The following PRR16 variants were observed in gnomAD, a reference collection of about 807,000 sequenced individuals.
PRR16 encodes the protein protein Largen.
In PRR16, 6 loss-of-function variants were observed where a neutral mutation model predicts 18.2. That is an observed-to-expected ratio of 0.33 (90% CI 0.18 to 0.65). The LOEUF (loss-of-function observed/expected upper bound fraction) is 0.65. Among genes scored for constraint, PRR16 ranks in the 30% least tolerant of loss-of-function variants. The pLI is 0.74. For synonymous variants in PRR16, 151 were observed against 147.8 expected (o/e 1.02, Z -0.16); for missense variants, 412 against 376.6 (o/e 1.09, Z -0.78).
chr5:120,746,124 CTT>C, the PRR16 span, among the ~76,000 whole-genome samples: 2 of 148,340 alleles, frequency 1.3e-5, no homozygotes, highest in African/African-American at 5.0e-5. Context: ...TTTCTAAAAG[CTT>C]TTTTTTTTCT....
intron 1 of PRR16, among the ~76,000 whole-genome samples, chr5:120,517,125 G>T (rs1302168011): frequency 6.6e-6 from 1 of 152,194 alleles, no homozygotes; most frequent in Non-Finnish European, 1.5e-5. Context: ...CGCTGTGCAG[G>T]AATAGTCTGG....
In PRR16 at chr5:120,554,686, C is replaced by G. The variant is rs114435341; in HGVS notation, c.159+90041C>G. Among the ~76,000 whole-genome samples, 1,479 of 151,942 alleles carry G rather than the reference C, an allele frequency of 9.7e-3. 9 individuals are homozygous for G. Among genetic ancestry groups the G allele is most frequent in the Non-Finnish European group, 0.015 (991 of 67,862 alleles). On this transcript the variant is annotated intron_variant, in intron 1 of 1. Coordinates refer to ENST00000407149, the MANE Select transcript of PRR16 (RefSeq NM_001300783.2). ...TTTGCATATAGTATTTCATGTAAGT[C>G]TCACAACAGCCTAGATTCCAGCCTT...
At chr5:120,613,748 T>C (rs1036221930) in intron 1 of PRR16, among the ~76,000 whole-genome samples, 5 of 152,206 alleles carry the variant, frequency 3.3e-5, no homozygotes, top group African/African-American at 1.2e-4. Flanking sequence ...TGGCCACTAA[T>C]AATGAGACTG....
the PRR16 span, among the ~76,000 whole-genome samples, chr5:120,772,375 TTAC>T: frequency 6.6e-6 from 1 of 152,130 alleles, no homozygotes; most frequent in Non-Finnish European, 1.5e-5. Context: ...TCTCTTTTGT[TTAC>T]TACTGTATCT....
chr5:120,693,769 G>T, the PRR16 span, among the ~76,000 whole-genome samples: 1 of 151,892 alleles, frequency 6.6e-6, no homozygotes, highest in South Asian at 2.1e-4. Context: ...AAGGTCAGTT[G>T]TATCTTCTGT....
intron 1 of PRR16, among the ~76,000 whole-genome samples, chr5:120,566,089 A>T (rs556148571): frequency 2.0e-5 from 3 of 152,212 alleles, no homozygotes; most frequent in Non-Finnish European, 2.9e-5. Context: ...TCACAAGGTC[A>T]TTAGGCCTTG....
At chr5:120,755,585 G>A in the PRR16 span, among the ~76,000 whole-genome samples, 1 of 152,094 alleles carries the variant, frequency 6.6e-6, no homozygotes, top group Admixed American at 6.6e-5. Flanking sequence ...TGGCTGCATA[G>A]TATTCTGTGG....
intron 1 of PRR16, among the ~76,000 whole-genome samples, chr5:120,546,826 A>C (rs1318133734): frequency 1.3e-5 from 2 of 151,954 alleles, no homozygotes; most frequent in African/African-American, 4.8e-5. Flanking sequence ...CCACTGGTAA[A>C]AGAAAGCAAT....
At chr5:120,644,883 GT>G (rs1755538355) in intron 1 of PRR16, among the ~76,000 whole-genome samples, 1 of 152,104 alleles carries the variant, frequency 6.6e-6, no homozygotes, top group Non-Finnish European at 1.5e-5. Flanking sequence ...TAACTTTGCA[GT>G]TTTGATACAA....
intron 1 of PRR16, among the ~76,000 whole-genome samples, chr5:120,467,911 T>C (rs115084552): frequency 0.019 from 2,861 of 152,248 alleles, 51 homozygotes; most frequent in Non-Finnish European, 0.029. Flanking sequence ...GCACCTACCA[T>C]GTTCCAAGTA....
chr5:120,793,371 G>T, the PRR16 span, among the ~76,000 whole-genome samples: 1 of 152,088 alleles, frequency 6.6e-6, no homozygotes, highest in Non-Finnish European at 1.5e-5. Context: ...AAAGGTATAT[G>T]GTTTGGAGAT....
At chr5:120,732,056 G>A in the PRR16 span, among the ~76,000 whole-genome samples, 2 of 152,100 alleles carry the variant, frequency 1.3e-5, no homozygotes, top group African/African-American at 4.8e-5. Context: ...AGTGCTCAGA[G>A]TACTATAGGA....
At chr5:120,726,678 ACTTG>A in the PRR16 span, among the ~76,000 whole-genome samples, 2 of 152,100 alleles carry the variant, frequency 1.3e-5, no homozygotes, top group South Asian at 2.1e-4. Flanking sequence ...ACAAAGGAGT[ACTTG>A]CTTTTGGTTT....
At chr5:120,756,257 G>C in the PRR16 span, among the ~76,000 whole-genome samples, 1 of 152,068 alleles carries the variant, frequency 6.6e-6, no homozygotes, top group Non-Finnish European at 1.5e-5. Context: ...GGCTTGCAAA[G>C]GGAGTACCCT....
At chr5:120,484,739 A>T (rs1310919037) in intron 1 of PRR16, among the ~76,000 whole-genome samples, 1 of 149,712 alleles carries the variant, frequency 6.7e-6, no homozygotes, top group Non-Finnish European at 1.5e-5. Flanking sequence ...TCAATGTTAA[A>T]TTGCAACACA....
At chr5:120,732,612 T>G in the PRR16 span, among the ~76,000 whole-genome samples, 1 of 152,174 alleles carries the variant, frequency 6.6e-6, no homozygotes, top group Non-Finnish European at 1.5e-5. Flanking sequence ...GGATAGGTTG[T>G]GCCTTTACCC....
chr5:120,472,755 C>A (rs4895255), intron 1 of PRR16, among the ~76,000 whole-genome samples: 17,105 of 152,100 alleles, frequency 0.11, 1,057 homozygotes, highest in South Asian at 0.17. Context: ...TCAACAGTTT[C>A]TTTCTCTTAG....
intron 1 of PRR16, among the ~76,000 whole-genome samples, chr5:120,678,098 A>G (rs1034936118): frequency 4.6e-5 from 7 of 151,362 alleles, no homozygotes; most frequent in African/African-American, 1.5e-4. Flanking sequence ...TTTAGTAGAG[A>G]CGGCGTTTAG....
the PRR16 span, among the ~76,000 whole-genome samples, chr5:120,758,919 C>T: frequency 6.7e-6 from 1 of 149,936 alleles, no homozygotes; most frequent in Non-Finnish European, 1.5e-5. Flanking sequence ...CTTGCTGATA[C>T]AAATAGAAAT....
Sources: allele counts gnomAD v4.1 joint callset (sites outside exome capture counted in the v4.1 genomes callset), GRCh38; gene constraint gnomAD v4.1.1; transcripts MANE v1.5; gene names NCBI Gene and HGNC (gene_info 2026-07-23, HGNC 2026-07-21).